Variants in TAL1 observed in about 807,000 individuals in gnomAD.
The protein encoded by TAL1 is TAL bHLH transcription factor 1, erythroid differentiation factor, also known as T-cell acute lymphocytic leukemia protein 1.
Under a neutral mutation model 17.9 loss-of-function variants are expected in TAL1, and 8 were observed. The ratio of observed to expected loss-of-function variants is 0.45; its 90% confidence interval spans 0.26 to 0.81. The LOEUF (loss-of-function observed/expected upper bound fraction) is 0.81. TAL1 is among the 30% of genes least tolerant of loss of function. TAL1 has a pLI of 0.17. For missense variants in TAL1, 466 were observed against 486.9 expected, an observed-to-expected ratio of 0.96 and a Z score of 0.40; for synonymous variants, 223 against 218.6, an observed-to-expected ratio of 1.02 and a Z score of -0.18.
At chr1:47,217,273 C>T (rs776951003) in exon 4 of TAL1, 2 of 371,964 alleles carry the variant, frequency 5.4e-6, no homozygotes, top group Non-Finnish European at 9.5e-6. Context: ...CTGTGGTCCT[C>T]CCTACTCGGG....
At chr1:47,217,582 C>A in exon 4 of TAL1, 2 of 398,620 alleles carry the variant, frequency 5.0e-6, no homozygotes, top group African/African-American at 2.1e-5. Flanking sequence ...AGAAAAAGTT[C>A]TTTACGTTCT....
rs144117146 is a variant in TAL1 at position 47,219,897 on chromosome 1, G to A, written c.819C>T (p.Gly273=). The A allele has an allele frequency of 0.042, 63,936 of 1,507,692 alleles. 1,434 individuals carry two copies. Among genetic ancestry groups the A allele is most frequent in the South Asian group, 0.086 (6,925 of 80,512 alleles). The allele number at this position is 1,507,692 out of a possible 1,614,324, so 93.4% of individuals were successfully genotyped here. ...GCAGGAGGTCATCTGGGGGCGCGCC[G>A]CCCCCTCCCCCACCTCCACCCCCAC... is the stretch of plus-strand genomic sequence containing the variant. Residue 273 remains glycine (G), a synonymous_variant, in exon 4 of 4, where the codon GGC becomes GGT. Transcript: ENST00000294339.
At chr1:47,228,288 T>G (rs1036516437) in intron 1 of TAL1, 2 of 175,320 alleles carry the variant, frequency 1.1e-5, no homozygotes, top group African/African-American at 4.7e-5. Context: ...TCACAAACAC[T>G]GATGGTTGTT....
chr1:47,232,046 C>A (rs1195862572), upstream of TAL1: 1 of 226,476 alleles, frequency 4.4e-6, no homozygotes, highest in African/African-American at 2.3e-5. Context: ...TCGAAAGGAA[C>A]CGAGGGAAAG....
chr1:47,219,791 C>T (rs143072042), exon 4 of TAL1: 17 of 1,611,784 alleles, frequency 1.1e-5, no homozygotes, highest in East Asian at 6.7e-5. Flanking sequence ...TGCTTGGGCG[C>T]GGGCTCCTCC....
chr1:47,219,207 G>A, exon 4 of TAL1: 1 of 435,592 alleles, frequency 2.3e-6, no homozygotes, highest in South Asian at 2.1e-5. Flanking sequence ...CATCTGGCAA[G>A]CTGGATGGAT....
At chr1:47,220,255 G>C in intron 3 of TAL1, 81 bp from the exon 5 acceptor site, 1 of 1,423,816 alleles carries the variant, frequency 7.0e-7, no homozygotes, top group Admixed American at 2.6e-5. Context: ...TGGGAAACTT[G>C]GGAAGCCTAG....
exon 4 of TAL1, chr1:47,217,382 GTC>G: frequency 2.6e-6 from 1 of 391,858 alleles, no homozygotes; most frequent in Non-Finnish European, 4.5e-6. Flanking sequence ...ACAAGACACC[GTC>G]TCTCACACAC....
chr1:47,219,611 T>C lies in TAL1; in HGVS notation c.*109A>G, dbSNP rs1645569350. 1.2e-5 allele frequency: 18 copies of C among 1,513,802 alleles called. 1 individual carries two copies. The highest frequency in any genetic ancestry group is 1.6e-5 in the Non-Finnish European group (18 of 1,122,628). The allele number at this position is 1,513,802 out of a possible 1,614,324, so 93.8% of individuals were successfully genotyped here. ...GTTCAGACATCCAGGAAAGTTCAAG[T>C]CCACCGCCTTGCTTCAGAGCCGCCC... On this transcript the variant is annotated 3_prime_UTR_variant, in exon 4 of 4. Coordinates refer to ENST00000294339, the Ensembl canonical transcript of TAL1.
chr1:47,228,185 T>C (rs1046460857), intron 1 of TAL1: 3 of 166,792 alleles, frequency 1.8e-5, no homozygotes, highest in African/African-American at 7.2e-5. Context: ...TCCCAGGATC[T>C]GTGGAGGACC....
exon 4 of TAL1, chr1:47,217,652 A>G: frequency 5.0e-6 from 2 of 398,674 alleles, no homozygotes; most frequent in East Asian, 7.1e-5. Context: ...GAGATAGGCC[A>G]AGCCAGAGTC....
At chr1:47,228,045 C>T (rs142902513) in intron 1 of TAL1, 1 of 152,694 alleles carries the variant, frequency 6.5e-6, no homozygotes, top group African/African-American at 2.4e-5. Flanking sequence ...GGCTCCTGCT[C>T]TAGCGGTGGA....
chr1:47,220,766 T>C (rs562496804), intron 3 of TAL1, among the ~76,000 whole-genome samples: 1 of 152,330 alleles, frequency 6.6e-6, no homozygotes, highest in South Asian at 2.1e-4. Context: ...ATGTATCAGT[T>C]TTTTGCTAAC....
exon 4 of TAL1, chr1:47,219,790 G>A (rs767980860): frequency 6.8e-6 from 11 of 1,611,712 alleles, no homozygotes; most frequent in African/African-American, 4.0e-5. Flanking sequence ...GTGCTTGGGC[G>A]CGGGCTCCTC....
At chr1:47,226,526 C>CCA (rs142534636) in intron 1 of TAL1, among the ~76,000 whole-genome samples, 3,667 of 150,620 alleles carry the variant, frequency 0.024, 134 homozygotes, top group African/African-American at 0.081. Context: ...CCAGCTCCCT[C>CCA]CACACACACA....
exon 1 of TAL1, chr1:47,229,219 G>A: frequency 5.1e-6 from 1 of 197,250 alleles, no homozygotes; most frequent in Non-Finnish European, 1.1e-5. Flanking sequence ...AGAGAGACCG[G>A]CCCCTCTGAA....
exon 4 of TAL1, chr1:47,218,240 C>G (rs1053576607): frequency 7.3e-5 from 17 of 233,440 alleles, no homozygotes; most frequent in African/African-American, 3.7e-4. Context: ...ACATACAGGA[C>G]TTCTGTGCAA....
chr1:47,232,103 T>A (rs564057847), upstream of TAL1: 179 of 226,408 alleles, frequency 7.9e-4, 1 homozygote, highest in African/African-American at 3.9e-3. Flanking sequence ...AGGAGGAAAT[T>A]GATGAAGAAT....
chr1:47,223,995 C>T lies in TAL1; in HGVS notation c.541+9G>A, dbSNP rs777112061. On this transcript the variant is annotated intron_variant, in intron 3 of 3. Transcript: ENST00000294339. ...GGGCAGGTACAACGGTGGGGTGGGG[C>T]AGACTCACCATCAGTAATCTCCATC... 13 of 1,613,070 alleles carry T rather than the reference C, an allele frequency of 8.1e-6. No homozygotes were observed. Among genetic ancestry groups the T allele is most frequent in the Non-Finnish European group, 1.1e-5 (13 of 1,179,456 alleles).
Sources: gnomAD v4.1 joint callset for allele counts (sites outside exome capture counted in the v4.1 genomes callset) on GRCh38, gnomAD v4.1.1 for gene constraint, MANE v1.5 for transcripts, NCBI Gene and HGNC (gene_info 2026-07-23, HGNC 2026-07-21) for gene names.